FAM32A: variants seen among roughly 807,000 people sequenced by gnomAD.
FAM32A encodes family with sequence similarity 32 member A.
A neutral mutation model predicts 15.8 loss-of-function variants in FAM32A; 9 were observed. The observed-to-expected ratio is 0.57, with a 90% CI of 0.34 to 1.00. The LOEUF (loss-of-function observed/expected upper bound fraction) is 1.00, where lower values mean the gene tolerates loss of function less well. Ranked by LOEUF, FAM32A falls within the 50% of genes least tolerant of loss-of-function variation. The pLI, the probability that FAM32A is intolerant of heterozygous loss-of-function variation, is 0.02. For synonymous variants in FAM32A, 64 were observed against 54.9 expected, an observed-to-expected ratio of 1.16 and a Z score of -0.73; for missense variants, 113 against 138.3, an observed-to-expected ratio of 0.82 and a Z score of 0.92.
In FAM32A at chr19:16,185,431, C is replaced by T; in HGVS notation, c.-12C>T. 1 of 1,554,670 alleles carries T rather than the reference C, an allele frequency of 6.4e-7. No homozygotes were observed. Among genetic ancestry groups the T allele is most frequent in the South Asian group, 1.2e-5 (1 of 84,250 alleles). The stretch of plus-strand genomic sequence containing the variant: ...GTGTGGCACTCCAGCTACCGAAGCA[C>T]TGGAGAGTGTCATGGAGGCCTACGA... On this transcript the variant is annotated 5_prime_UTR_variant, in exon 1 of 4. Coordinates refer to ENST00000263384, the MANE Select transcript of FAM32A (RefSeq NM_014077.4).
In FAM32A at chr19:16,185,666, A is replaced by G; in HGVS notation, c.117A>G (p.Glu39=). Reference sequence around the variant, plus strand: ...ACAAAGACAAAGCGAAACTCCTGGAAGCAATGGGAACGAGCAAAAAGAACG... The same window carrying G: ...ACAAAGACAAAGCGAAACTCCTGGAGGCAATGGGAACGAGCAAAAAGAACG... The part of the protein sequence containing the change: ...KKDKDKAKLL[E]AMGTSKKNEE... The change falls in exon 2 of 4, where the codon GAA becomes GAG. Residue 39 remains glutamate (E), a synonymous_variant. Coordinates refer to ENST00000263384, the MANE Select transcript of FAM32A (RefSeq NM_014077.4). 6.3e-7 allele frequency: 1 copy of G among 1,590,106 alleles called. No individual in the cohort carries two copies. Among genetic ancestry groups the G allele is most frequent in the South Asian group, 1.1e-5 (1 of 87,580 alleles).
At chr19:16,185,600 C>T in intron 1 of FAM32A, 24 bp from the exon 2 acceptor site, 1 of 1,597,534 alleles carries the variant, frequency 6.3e-7, no homozygotes, top group Non-Finnish European at 8.5e-7. Context: ...CTCCGACCCG[C>T]CGCCTCCTCA....
chr19:16,188,572 G>A (rs1305287462), intron 2 of FAM32A, among the ~76,000 whole-genome samples: 3 of 152,220 alleles, frequency 2.0e-5, no homozygotes, highest in Admixed American at 6.5e-5. Context: ...GCAACATAGC[G>A]ATACCCTGTC....
chr19:16,186,992 G>A (rs1253756785), intron 2 of FAM32A, among the ~76,000 whole-genome samples: 1 of 152,168 alleles, frequency 6.6e-6, no homozygotes, highest in Non-Finnish European at 1.5e-5. Context: ...TGGTCTAGGT[G>A]ATTCTGTACG....
At chr19:16,186,339 A>C (rs1486841898) in intron 2 of FAM32A, 1 of 152,412 alleles carries the variant, frequency 6.6e-6, no homozygotes, top group Non-Finnish European at 1.5e-5. Context: ...GCGGGGTCAG[A>C]GCACTGCAGC....
intron 2 of FAM32A, chr19:16,186,835 A>C (rs2091387847): frequency 6.6e-6 from 1 of 152,166 alleles, no homozygotes; most frequent in Non-Finnish European, 1.5e-5. Context: ...TTGGTTCTCA[A>C]CTGGGTTGGG....
intron 2 of FAM32A, chr19:16,186,275 C>A (rs552982215): frequency 6.5e-6 from 1 of 154,358 alleles, no homozygotes; most frequent in East Asian, 1.9e-4. Context: ...TCCAAGACAA[C>A]TTTGTTTGGC....
chr19:16,186,803 G>A (rs953439181), intron 2 of FAM32A: 5 of 152,298 alleles, frequency 3.3e-5, no homozygotes, highest in African/African-American at 9.6e-5. Flanking sequence ...CGAAGCACAT[G>A]TGGCAATGTC....
In FAM32A at chr19:16,191,032, T is replaced by C. The variant is rs2091404140; in HGVS notation, c.*77T>C. The C allele has an allele frequency of 8.7e-7, 1 of 1,153,294 alleles. No homozygotes were observed. Among genetic ancestry groups the C allele is most frequent in the Admixed American group, 1.7e-5 (1 of 57,550 alleles). 71.4% of individuals were successfully genotyped at this position (1,153,294 alleles called of 1,614,324 possible). A position where few individuals can be genotyped will look rare whatever the true frequency, so the allele number is the denominator to read the frequency against. On this transcript the variant is annotated 3_prime_UTR_variant, in exon 4 of 4. Coordinates refer to ENST00000263384, the MANE Select transcript of FAM32A (RefSeq NM_014077.4). ...GGGGTTGTGTGTGTTTCCTTTGGTA[T>C]ATTCTGGAAACATGGCTACACACAC...
rs758527349 is a variant in FAM32A at position 16,190,968 on chromosome 19, A to G, written c.*13A>G. 9 of 1,609,756 alleles carry G rather than the reference A, an allele frequency of 5.6e-6. No individual in the cohort carries two copies. Among genetic ancestry groups the G allele is most frequent in the African/African-American group, 1.3e-5 (1 of 74,812 alleles). ...CTGGACGAAGTAGCCGCCTGCCCCC[A>G]GTATGGAGCAGCATCGAGGGTTCGC... On this transcript the variant is annotated 3_prime_UTR_variant, in exon 4 of 4. Coordinates refer to ENST00000263384, the MANE Select transcript of FAM32A (RefSeq NM_014077.4).
At chr19:16,186,455 A>T (rs1428799916) in intron 2 of FAM32A, 2 of 152,034 alleles carry the variant, frequency 1.3e-5, no homozygotes, top group Non-Finnish European at 2.9e-5. Flanking sequence ...TTTCGTAGAG[A>T]TGCGGTTTCA....
chr19:16,190,983 C>G lies in FAM32A; in HGVS notation c.*28C>G. ...GCCTGCCCCCAGTATGGAGCAGCAT[C>G]GAGGGTTCGCAAAAGGCCACACTGG... On this transcript the variant is annotated 3_prime_UTR_variant, in exon 4 of 4. Transcript: ENST00000263384. 4 of 1,592,496 alleles carry G rather than the reference C, an allele frequency of 2.5e-6. No homozygotes were observed. The highest frequency in any genetic ancestry group is 3.4e-6 in the Non-Finnish European group (4 of 1,160,362).
rs1290031503 is a variant in FAM32A at position 16,190,913 on chromosome 19, C to A, written c.297C>A (p.Leu99=). The change falls in exon 4 of 4, where the codon CTC becomes CTA. Residue 99 remains leucine (L), a synonymous_variant. Coordinates refer to ENST00000263384, the MANE Select transcript of FAM32A (RefSeq NM_014077.4). ...VEDFNRHLDT[L]TEHYDIPKVS... Reference sequence around the variant, plus strand: ...ACTTCAACAGACACCTGGACACACTCACGGAGCATTACGACATTCCCAAAG... The same window carrying A: ...ACTTCAACAGACACCTGGACACACTAACGGAGCATTACGACATTCCCAAAG... 3 of 1,614,050 alleles carry A rather than the reference C, an allele frequency of 1.9e-6. No homozygotes were observed. The African/African-American group carries it at 4.0e-5, about 22-fold the overall frequency.
Position 16,189,668 on chromosome 19 carries a change from C to CTTTTTTT in FAM32A, c.217-832_217-826dup, listed in dbSNP as rs71178652. On this transcript the variant is annotated intron_variant, in intron 2 of 3. Coordinates refer to ENST00000263384, the MANE Select transcript of FAM32A (RefSeq NM_014077.4). The stretch of plus-strand genomic sequence containing the variant: ...TGGCTTTATATCCCACACTCCAACT[C>CTTTTTTT]TTTTTTTTTTTTTTTTTTTTTTTTT... Among the ~76,000 whole-genome samples the CTTTTTTT allele has an allele frequency of 5.8e-4, 34 of 58,584 alleles. 4 individuals carry two copies. The highest frequency in any genetic ancestry group is 8.9e-4 in the Non-Finnish European group (29 of 32,432). 38.4% of individuals were successfully genotyped at this position (58,584 alleles called of 152,430 possible). A position where few individuals can be genotyped will look rare whatever the true frequency, so the allele number is the denominator to read the frequency against.
At position 16,185,477 on chromosome 19, in the gene FAM32A, T is replaced by A; in HGVS notation, c.35T>A (p.Leu12Gln). The change falls in exon 1 of 4, where the codon CTG becomes CAG. Residue 12 changes from leucine to glutamine, a missense_variant. Physicochemically the swap from Leu to Gln is moderately radical, Grantham distance 113. Transcript: ENST00000263384. The part of the protein sequence containing the change: ...EAYEQVQKGP[L>Q]KLKGVAELGV... Reference sequence around the variant, plus strand: ...TACGAGCAGGTCCAAAAGGGACCCCTGAAGCTGAAAGGCGTCGCAGAGCTG... The same window carrying A: ...TACGAGCAGGTCCAAAAGGGACCCCAGAAGCTGAAAGGCGTCGCAGAGCTG... 1 of 1,563,730 alleles carries A rather than the reference T, an allele frequency of 6.4e-7. No individual in the cohort carries two copies. Among genetic ancestry groups the A allele is most frequent in the South Asian group, 1.2e-5 (1 of 84,882 alleles).
intron 2 of FAM32A, among the ~76,000 whole-genome samples, chr19:16,189,785 C>T (rs1164109361): frequency 3.4e-5 from 5 of 148,650 alleles, no homozygotes; most frequent in African/African-American, 1.2e-4. Context: ...AAGCAGTCCT[C>T]TCACCCCAGC....
chr19:16,190,792 T>G lies in FAM32A; in HGVS notation c.271-95T>G, dbSNP rs543724965. The stretch of plus-strand genomic sequence containing the variant: ...TTGAGAGGAGGGGGCTCAGGAGAGA[T>G]AGGATGTGGGAGAGGTGGGGCTGGG... On this transcript the variant is annotated intron_variant, in intron 3 of 3. Transcript: ENST00000263384. The G allele has an allele frequency of 9.9e-5, 106 of 1,074,510 alleles. 1 individual carries two copies. Among genetic ancestry groups the G allele is most frequent in the Non-Finnish European group, 1.4e-4 (96 of 688,878 alleles). The allele number at this position is 1,074,510 out of a possible 1,614,324, so 66.6% of individuals were successfully genotyped here.
chr19:16,185,487 A>C lies in FAM32A; in HGVS notation c.45A>C (p.Lys15Asn). Reference protein sequence around the residue: ...EQVQKGPLKLKGVAELGVTKR... With the variant: ...EQVQKGPLKLNGVAELGVTKR... ...TCCAAAAGGGACCCCTGAAGCTGAA[A>C]GGCGTCGCAGAGCTGGGAGTGACCA... The change falls in exon 1 of 4, where the codon AAA (lysine) becomes AAC (asparagine). Residue 15 changes from lysine to asparagine, a missense_variant. Coordinates refer to ENST00000263384, the MANE Select transcript of FAM32A (RefSeq NM_014077.4). The C allele has an allele frequency of 6.4e-7, 1 of 1,564,504 alleles. No homozygotes were observed. The highest frequency in any genetic ancestry group is 8.7e-7 in the Non-Finnish European group (1 of 1,153,960).
rs1280488926 is a variant in FAM32A at position 16,191,380 on chromosome 19, G to A, written c.*425G>A. ...AGTATGCAGAGCCCCGCAGGACCCA[G>A]CGTGGGCGCCCTTCCAAGCTTCCTC... On this transcript the variant is annotated 3_prime_UTR_variant, in exon 4 of 4. Coordinates refer to ENST00000263384, the MANE Select transcript of FAM32A (RefSeq NM_014077.4). The A allele has an allele frequency of 4.1e-5, 8 of 195,080 alleles. No individual in the cohort carries two copies. Among genetic ancestry groups the A allele is most frequent in the Non-Finnish European group, 8.6e-5 (8 of 93,564 alleles). 12.1% of individuals were successfully genotyped at this position (195,080 alleles called of 1,614,324 possible). A position where few individuals can be genotyped will look rare whatever the true frequency, so the allele number is the denominator to read the frequency against.
Sources: gnomAD v4.1 joint callset for allele counts (sites outside exome capture counted in the v4.1 genomes callset) on GRCh38, gnomAD v4.1.1 for gene constraint, MANE v1.5 for transcripts, NCBI Gene and HGNC (gene_info 2026-07-23, HGNC 2026-07-21) for gene names.